Variants in SHC4 observed in about 807,000 individuals in gnomAD.
The protein encoded by SHC4 is SHC-transforming protein 4.
SHC4 carries 41 observed loss-of-function variants against 69.4 expected under a neutral mutation model. The ratio of observed to expected loss-of-function variants is 0.59; its 90% CI spans 0.46 to 0.77. SHC4 has a LOEUF of 0.77. SHC4 is among the 30% of genes least tolerant of loss of function. SHC4 has a pLI of 0.00. For synonymous variants in SHC4, 318 were observed against 299.3 expected (o/e 1.06, Z -0.64); for missense variants, 777 against 783.8 (o/e 0.99, Z 0.10).
At chr15:48,876,371 C>T (rs974717556) in intron 4 of SHC4, among the ~76,000 whole-genome samples, 1 of 152,002 alleles carries the variant, frequency 6.6e-6, no homozygotes, top group Admixed American at 6.6e-5. Context: ...TCTCAGCTTT[C>T]AAAATATTTT....
Position 48,960,233 on chromosome 15 carries a change from C to A in SHC4, c.585+2198G>T, listed in dbSNP as rs143467759. Among the ~76,000 whole-genome samples, 1,053 of 152,250 alleles carry A rather than the reference C, an allele frequency of 6.9e-3. 10 individuals carry two copies. The highest frequency in any genetic ancestry group is 0.024 in the African/African-American group (1,011 of 41,552). ...CCTAGGGAAACTGGAGATCACACAG[C>A]AACTCTTTTCACATTTAAAATTGTA... On this transcript the variant is annotated intron_variant, in intron 1 of 11. Transcript: ENST00000332408.
At chr15:48,910,779 G>T (rs1900495139) in intron 2 of SHC4, among the ~76,000 whole-genome samples, 1 of 152,072 alleles carries the variant, frequency 6.6e-6, no homozygotes, top group Admixed American at 6.6e-5. Flanking sequence ...TTGTTGTTCA[G>T]TTCAAAGAAT....
rs770431983 is a variant in SHC4, at chr15:48,834,737, C to T, written c.1737+32G>A. The T allele has an allele frequency of 8.7e-6, 14 of 1,609,980 alleles. No homozygotes were observed. The Admixed American group carries it at 1.8e-4, about 21-fold the overall frequency. On this transcript the variant is annotated intron_variant, in intron 11 of 11. Coordinates refer to ENST00000332408, the MANE Select transcript of SHC4 (RefSeq NM_203349.4). The stretch of plus-strand genomic sequence containing the variant: ...AGGGTATGCTTAATAGAACAACATC[C>T]TGTGAAACCTCTAATGAGAAGTCAA...
At chr15:48,858,126 T>C (rs1443321553) in intron 6 of SHC4, among the ~76,000 whole-genome samples, 6 of 152,214 alleles carry the variant, frequency 3.9e-5, no homozygotes. Flanking sequence ...GTTTAACTGC[T>C]AGCTCTTGAA....
At chr15:48,837,044 T>C (rs1212122721) in intron 10 of SHC4, among the ~76,000 whole-genome samples, 2 of 152,154 alleles carry the variant, frequency 1.3e-5, no homozygotes, top group Admixed American at 1.3e-4. Context: ...TTTGTGTGTG[T>C]GAAAAAGTGT....
intron 4 of SHC4, chr15:48,878,258 C>T: frequency 1.9e-6 from 3 of 1,612,872 alleles, no homozygotes; most frequent in Non-Finnish European, 2.5e-6. Context: ...CGAGGGTGAC[C>T]TTCCGCAGAT....
intron 6 of SHC4, 64 bp from the exon 7 acceptor site, chr15:48,857,879 A>G: frequency 1.5e-6 from 2 of 1,330,316 alleles, no homozygotes; most frequent in Non-Finnish European, 9.9e-7. Context: ...ATTACATAAA[A>G]TCAGAGTACT....
intron 2 of SHC4, among the ~76,000 whole-genome samples, chr15:48,921,700 G>T (rs561569302): frequency 2.2e-4 from 34 of 152,202 alleles, no homozygotes; most frequent in Non-Finnish European, 3.8e-4. Context: ...AGATGAAAAA[G>T]TTCTGCAGAT....
At chr15:48,953,545 T>G (rs1382203206) in intron 1 of SHC4, among the ~76,000 whole-genome samples, 1 of 152,224 alleles carries the variant, frequency 6.6e-6, no homozygotes, top group Non-Finnish European at 1.5e-5. Flanking sequence ...TGGTGTCAGT[T>G]TCCTCTCCAT....
At chr15:48,943,073 A>T (rs969443075) in intron 1 of SHC4, among the ~76,000 whole-genome samples, 3 of 152,210 alleles carry the variant, frequency 2.0e-5, no homozygotes, top group African/African-American at 7.2e-5. Flanking sequence ...ACCATTACCA[A>T]AAACATTCCT....
intron 10 of SHC4, among the ~76,000 whole-genome samples, chr15:48,835,677 G>A (rs1898885156): frequency 6.6e-6 from 1 of 152,156 alleles, no homozygotes; most frequent in South Asian, 2.1e-4. Context: ...AGCTCCCCAA[G>A]GCGCTGCTGA....
At position 48,963,314 on chromosome 15, in the gene SHC4, C is replaced by T. The variant is rs1260923274; in HGVS notation, c.-299G>A. 1 of 353,310 alleles carries T rather than the reference C, an allele frequency of 2.8e-6. No homozygotes were observed. Among genetic ancestry groups the T allele is most frequent in the East Asian group, 4.7e-5 (1 of 21,488 alleles). The allele number at this position is 353,310 out of a possible 1,614,324, so 21.9% of individuals were successfully genotyped here. ...CCCAGGCTCCCGGCGGCGCGGGTCG[C>T]TCACGGCCAACTCTTAGGCGCAGAA... On this transcript the variant is annotated 5_prime_UTR_variant, in exon 1 of 12. Transcript: ENST00000332408.
intron 3 of SHC4, among the ~76,000 whole-genome samples, chr15:48,886,567 C>T (rs1014069065): frequency 2.6e-5 from 4 of 152,088 alleles, no homozygotes; most frequent in South Asian, 4.1e-4. Context: ...GTCAAGGGAC[C>T]TTAGACAACT....
At chr15:48,916,965 C>T (rs1251891596) in intron 2 of SHC4, among the ~76,000 whole-genome samples, 6 of 152,276 alleles carry the variant, frequency 3.9e-5, no homozygotes, top group Middle Eastern at 3.4e-3. Context: ...GAATTATGTA[C>T]TGTGGTGATG....
intron 6 of SHC4, among the ~76,000 whole-genome samples, chr15:48,867,083 C>A (rs10162882): frequency 3.3e-5 from 5 of 151,996 alleles, no homozygotes; most frequent in South Asian, 2.1e-4. Flanking sequence ...GGTTCCTGCC[C>A]TCATGAAGAT....
At chr15:48,844,527 G>T (rs1899052245) in intron 9 of SHC4, among the ~76,000 whole-genome samples, 1 of 152,154 alleles carries the variant, frequency 6.6e-6, no homozygotes. Flanking sequence ...TCATCCTTCA[G>T]ATATTAACTT....
At chr15:48,869,853 C>T (rs1221483831) in intron 5 of SHC4, among the ~76,000 whole-genome samples, 2 of 152,194 alleles carry the variant, frequency 1.3e-5, no homozygotes, top group Non-Finnish European at 2.9e-5. Context: ...TTCTCACCAG[C>T]TTTAGAGAGC....
intron 10 of SHC4, among the ~76,000 whole-genome samples, chr15:48,842,866 G>T (rs1156315515): frequency 6.6e-6 from 1 of 152,144 alleles, no homozygotes; most frequent in East Asian, 1.9e-4. Flanking sequence ...AGGAGGCAGA[G>T]GTTGCAGTGA....
chr15:48,844,394 C>T (rs1004655790), intron 9 of SHC4, among the ~76,000 whole-genome samples: 1 of 152,146 alleles, frequency 6.6e-6, no homozygotes, highest in Admixed American at 6.5e-5. Flanking sequence ...ACCCAGCTAC[C>T]CTTCTTCCTC....
Sources: gnomAD v4.1 joint callset for allele counts (sites outside exome capture counted in the v4.1 genomes callset) on GRCh38, gnomAD v4.1.1 for gene constraint, MANE v1.5 for transcripts, NCBI Gene and HGNC (gene_info 2026-07-23, HGNC 2026-07-21) for gene names.